The following CHST8 variants were observed in gnomAD, a reference collection of about 807,000 sequenced individuals.
CHST8 encodes the protein carbohydrate sulfotransferase 8.
In CHST8, 10 loss-of-function variants were observed where a neutral mutation model predicts 15.0. That is an observed-to-expected ratio of 0.67 (90% confidence interval 0.41 to 1.13). CHST8 has a LOEUF of 1.13. CHST8 is among the 50% of genes most tolerant of loss of function. The probability of loss-of-function intolerance (pLI) is 0.00; values close to 1 mark genes in which losing one functional copy is unlikely to be tolerated. For missense variants in CHST8, 634 were observed against 608.2 expected (o/e 1.04, Z -0.45); for synonymous variants, 259 against 256.6 (o/e 1.01, Z -0.09).
intron 3 of CHST8, among the ~76,000 whole-genome samples, chr19:33,703,575 G>A (rs545368921): frequency 1.9e-4 from 29 of 152,338 alleles, no homozygotes; most frequent in East Asian, 1.4e-3. Context: ...GGGGCTAGAC[G>A]CACCTTCTGC....
chr19:33,752,188 C>A (rs1415145637), intron 3 of CHST8, among the ~76,000 whole-genome samples: 1 of 152,188 alleles, frequency 6.6e-6, no homozygotes, highest in Admixed American at 6.5e-5. Context: ...GCTGCCCATG[C>A]CAACCGCAGT....
rs869057036 is a variant in CHST8 at position 33,650,518 on chromosome 19, C to CTTTTTTTTTTTTT, written c.-163-17232_-163-17220dup. On this transcript the variant is annotated intron_variant, in intron 1 of 4. Transcript: ENST00000650847. ...TTCTTTTTCTTTTTCTTTTTCTTTT[C>CTTTTTTTTTTTTT]TTTTTTTTTTTTTTTTTTTTTTTTT... Among the ~76,000 whole-genome samples the CTTTTTTTTTTTTT allele has an allele frequency of 1.4e-4, 5 of 36,072 alleles. 1 individual carries two copies. Among genetic ancestry groups the CTTTTTTTTTTTTT allele is most frequent in the African/African-American group, 3.9e-4 (3 of 7,682 alleles). 23.7% of individuals were successfully genotyped at this position (36,072 alleles called of 152,430 possible).
chr19:33,632,017 G>A (rs1972128300), intron 1 of CHST8, among the ~76,000 whole-genome samples: 1 of 152,218 alleles, frequency 6.6e-6, no homozygotes, highest in Admixed American at 6.5e-5. Context: ...TATCTTGGGT[G>A]TCAGGAAGCA....
chr19:33,687,102 TG>T (rs1279880170), intron 2 of CHST8, among the ~76,000 whole-genome samples: 1 of 152,222 alleles, frequency 6.6e-6, no homozygotes, highest in African/African-American at 2.4e-5. Context: ...TTGCCTGCCT[TG>T]TCAGCTGCTC....
chr19:33,709,194 C>T (rs963614304), intron 3 of CHST8, among the ~76,000 whole-genome samples: 2 of 152,112 alleles, frequency 1.3e-5, no homozygotes, highest in East Asian at 1.9e-4. Flanking sequence ...ATTTCCAGCT[C>T]GAATGCCTTT....
At chr19:33,658,612 G>C (rs917775859) in intron 1 of CHST8, among the ~76,000 whole-genome samples, 2 of 152,080 alleles carry the variant, frequency 1.3e-5, no homozygotes, top group Admixed American at 1.3e-4. Flanking sequence ...TGTTTCCTGG[G>C]CATCTCTTGA....
At chr19:33,625,316 C>T (rs1972037529) in intron 1 of CHST8, among the ~76,000 whole-genome samples, 1 of 122,224 alleles carries the variant, frequency 8.2e-6, no homozygotes, top group South Asian at 2.8e-4. Flanking sequence ...CTCCTGACCT[C>T]GTGATCCGCC....
rs34970478 is a variant in CHST8 at position 33,639,086 on chromosome 19, CAAAAAAA to C, written c.-164+16807_-164+16813del. Among the ~76,000 whole-genome samples the C allele has an allele frequency of 7.9e-4, 51 of 64,666 alleles. 1 individual carries two copies. The highest frequency in any genetic ancestry group is 0.011 in the Middle Eastern group (1 of 94). The allele number at this position is 64,666 out of a possible 152,430, so 42.4% of individuals were successfully genotyped here. A position where few individuals can be genotyped will look rare whatever the true frequency, so the allele number is the denominator to read the frequency against. ...CTAGCACACAGCAGGTGATCCTGACCAAAAAAAAAAAAAAAAAAAAAAAGAGGAGGTA... is the reference window on the plus strand; with the variant it reads ...CTAGCACACAGCAGGTGATCCTGACCAAAAAAAAAAAAAAAAGAGGAGGTA... On this transcript the variant is annotated intron_variant, in intron 1 of 4. Transcript: ENST00000650847.
intron 3 of CHST8, among the ~76,000 whole-genome samples, chr19:33,725,779 A>G (rs1364090342): frequency 1.3e-5 from 2 of 152,178 alleles, no homozygotes; most frequent in African/African-American, 4.8e-5. Context: ...CCTTATCTCT[A>G]GCCTCATCTT....
intron 3 of CHST8, among the ~76,000 whole-genome samples, chr19:33,720,491 C>CCA (rs1016074075): frequency 4.7e-4 from 72 of 151,926 alleles, no homozygotes; most frequent in African/African-American, 1.6e-3. Context: ...ACACTGCACA[C>CCA]CACACACACC....
chr19:33,669,319 T>C (rs994497612), intron 2 of CHST8, among the ~76,000 whole-genome samples: 1 of 152,164 alleles, frequency 6.6e-6, no homozygotes, highest in Non-Finnish European at 1.5e-5. Flanking sequence ...TTTGTCCCTT[T>C]TGGGTGTAGC....
intron 1 of CHST8, among the ~76,000 whole-genome samples, chr19:33,633,487 G>C (rs1346833481): frequency 6.6e-6 from 1 of 151,970 alleles, no homozygotes; most frequent in East Asian, 1.9e-4. Context: ...GAACTCCTGG[G>C]CTCATGCCAG....
chr19:33,680,357 T>C (rs927804342), intron 2 of CHST8, among the ~76,000 whole-genome samples: 2 of 152,200 alleles, frequency 1.3e-5, no homozygotes, highest in African/African-American at 4.8e-5. Context: ...ACCTGTGCTC[T>C]GTAATATTGG....
intron 3 of CHST8, among the ~76,000 whole-genome samples, chr19:33,719,821 A>C (rs1339676746): frequency 6.6e-6 from 1 of 151,670 alleles, no homozygotes; most frequent in African/African-American, 2.4e-5. Context: ...TGAGCATGAC[A>C]CGTGATACCC....
At chr19:33,651,372 TA>T in intron 1 of CHST8, among the ~76,000 whole-genome samples, 1 of 151,726 alleles carries the variant, frequency 6.6e-6, no homozygotes, top group Non-Finnish European at 1.5e-5. Flanking sequence ...CTTTTAAACT[TA>T]AAAAAAAGCG....
At chr19:33,689,082 C>A in intron 2 of CHST8, 94 bp from the exon 3 acceptor site, 1 of 591,482 alleles carries the variant, frequency 1.7e-6, no homozygotes, top group Non-Finnish European at 2.6e-6. Context: ...CAGAGTCATC[C>A]GGGGATTGCA....
intron 1 of CHST8, among the ~76,000 whole-genome samples, chr19:33,635,580 G>A (rs1447923864): frequency 6.6e-6 from 1 of 152,148 alleles, no homozygotes; most frequent in Non-Finnish European, 1.5e-5. Context: ...CACAGAGGAG[G>A]GAGGCCCAGG....
In CHST8 at chr19:33,772,977, G is replaced by A. The variant is rs1033408454; in HGVS notation, c.1189G>A (p.Ala397Thr). The change falls in exon 5 of 5, where the codon GCC (alanine) becomes ACC (threonine). Residue 397 changes from alanine to threonine, a missense_variant. By Grantham distance (58) the Ala-to-Thr change is moderately conservative. Coordinates refer to ENST00000650847, the MANE Select transcript of CHST8 (RefSeq NM_001127895.2). ...CCACCAGTACTTCGCCCAACTCTCG[G>A]CCCTGCAAAGGCAGCGCACCTACGA... ...IAHQYFAQLS[A>T]LQRQRTYDFY... 20 of 1,613,558 alleles carry A rather than the reference G, an allele frequency of 1.2e-5. No individual in the cohort carries two copies. Among genetic ancestry groups the A allele is most frequent in the Non-Finnish European group, 1.6e-5 (19 of 1,180,024 alleles).
chr19:33,730,503 C>T (rs969296860), intron 3 of CHST8, among the ~76,000 whole-genome samples: 15 of 152,312 alleles, frequency 9.8e-5, no homozygotes, highest in East Asian at 5.8e-4. Context: ...ACTGCCTTTT[C>T]GAGAGTCTGG....
Sources: gnomAD v4.1 joint callset for allele counts (sites outside exome capture counted in the v4.1 genomes callset) on GRCh38, gnomAD v4.1.1 for gene constraint, MANE v1.5 for transcripts, NCBI Gene and HGNC (gene_info 2026-07-23, HGNC 2026-07-21) for gene names.